MAGI1: variants seen among roughly 807,000 people sequenced by gnomAD.
The protein encoded by MAGI1 is membrane-associated guanylate kinase, WW and PDZ domain-containing protein 1.
MAGI1 carries 58 observed loss-of-function variants against 139.9 expected under a neutral mutation model. That is an observed-to-expected ratio of 0.41 (90% confidence interval 0.34 to 0.52). The LOEUF (loss-of-function observed/expected upper bound fraction) is 0.52. Ranked by LOEUF, MAGI1 falls within the 20% of genes least tolerant of loss-of-function variation. The pLI, the probability that MAGI1 is intolerant of heterozygous loss-of-function variation, is 0.12. For missense variants in MAGI1, 1,874 were observed against 1,901.6 expected (o/e 0.99, Z 0.27); for synonymous variants, 812 against 737.9 (o/e 1.10, Z -1.63).
intron 18 of MAGI1, chr3:65,371,866 A>C (rs1425476924): frequency 2.3e-6 from 1 of 435,822 alleles, no homozygotes; most frequent in East Asian, 7.5e-5. Context: ...CAATTAAGTC[A>C]CATCTTCCGG....
At chr3:66,024,951 T>C (rs972105297) in intron 1 of MAGI1, among the ~76,000 whole-genome samples, 1 of 152,182 alleles carries the variant, frequency 6.6e-6, no homozygotes. Context: ...AGAAGGGATA[T>C]TAGTTAATAT....
intron 1 of MAGI1, among the ~76,000 whole-genome samples, chr3:65,788,639 T>C (rs796658868): frequency 2.0e-5 from 3 of 152,310 alleles, no homozygotes; most frequent in African/African-American, 7.2e-5. Context: ...GGTAGCTCAC[T>C]CTAAATTACT....
intron 1 of MAGI1, among the ~76,000 whole-genome samples, chr3:65,775,374 A>G (rs1257273059): frequency 6.6e-6 from 1 of 151,574 alleles, no homozygotes; most frequent in Non-Finnish European, 1.5e-5. Flanking sequence ...ATTTGAGCCT[A>G]GGACTTGGAG....
rs901041247 is a variant in MAGI1 at position 65,410,219 on chromosome 3, G to A, written c.2168-8749C>T. 9.2e-5 allele frequency among the ~76,000 whole-genome samples: 14 copies of A among 152,318 alleles called. No homozygotes were observed. The South Asian group carries it at 1.9e-3, about 20-fold the overall frequency. The stretch of plus-strand genomic sequence containing the variant: ...GGATGATCCTATTGTTGCTACTCTT[G>A]AAAACATGTGAAGTATGCCTAAAGG... On this transcript the variant is annotated intron_variant, in intron 12 of 22. Coordinates refer to ENST00000402939, the MANE Select transcript of MAGI1 (RefSeq NM_001033057.2).
At chr3:65,861,803 AT>A (rs2059565720) in intron 1 of MAGI1, among the ~76,000 whole-genome samples, 1 of 152,184 alleles carries the variant, frequency 6.6e-6, no homozygotes, top group South Asian at 2.1e-4. Context: ...CCCGTCTAAA[AT>A]GTGGATCTAA....
chr3:65,800,064 T>C (rs1559894735), intron 1 of MAGI1, among the ~76,000 whole-genome samples: 1 of 152,208 alleles, frequency 6.6e-6, no homozygotes, highest in African/African-American at 2.4e-5. Context: ...CTGAATGGCG[T>C]TGGGCATGTT....
chr3:65,838,599 T>C (rs2058706868), intron 1 of MAGI1, among the ~76,000 whole-genome samples: 1 of 152,210 alleles, frequency 6.6e-6, no homozygotes, highest in Non-Finnish European at 1.5e-5. Context: ...CAGTATTCCA[T>C]GGCATGGATG....
At chr3:65,794,293 G>A (rs1366862305) in intron 1 of MAGI1, among the ~76,000 whole-genome samples, 5 of 152,176 alleles carry the variant, frequency 3.3e-5, no homozygotes, top group Non-Finnish European at 7.3e-5. Context: ...CTCAACAAAA[G>A]ACTGAGACCT....
At chr3:65,573,833 G>C (rs779856018) in intron 2 of MAGI1, among the ~76,000 whole-genome samples, 13 of 152,080 alleles carry the variant, frequency 8.5e-5, no homozygotes, top group Non-Finnish European at 1.6e-4. Context: ...AGCTGTGTCA[G>C]GGTTTGGCAA....
chr3:65,944,042 T>C (rs1043373526), intron 1 of MAGI1, among the ~76,000 whole-genome samples: 1 of 152,232 alleles, frequency 6.6e-6, no homozygotes, highest in Admixed American at 6.5e-5. Context: ...AAAAACATTC[T>C]TTCTGACTGA....
intron 1 of MAGI1, among the ~76,000 whole-genome samples, chr3:65,623,770 C>T (rs1315869656): frequency 2.6e-5 from 4 of 152,190 alleles, no homozygotes; most frequent in Non-Finnish European, 4.4e-5. Context: ...ATTCCAGCTA[C>T]AGCTGCTCAT....
intron 1 of MAGI1, among the ~76,000 whole-genome samples, chr3:65,765,742 A>G (rs1392202117): frequency 1.3e-5 from 2 of 152,182 alleles, no homozygotes; most frequent in Non-Finnish European, 2.9e-5. Context: ...TTCCTTCCCC[A>G]TGAAATCTAC....
At chr3:65,797,244 A>C (rs895600745) in intron 1 of MAGI1, among the ~76,000 whole-genome samples, 2 of 152,214 alleles carry the variant, frequency 1.3e-5, no homozygotes, top group African/African-American at 4.8e-5. Context: ...CAAAAGAAAG[A>C]GTGGAGGCAG....
At chr3:65,817,510 A>C (rs1200763731) in intron 1 of MAGI1, among the ~76,000 whole-genome samples, 1 of 152,244 alleles carries the variant, frequency 6.6e-6, no homozygotes. Flanking sequence ...AGCTTCAAAA[A>C]TTAAACTGCC....
At chr3:65,520,508 T>A (rs1243418928) in intron 2 of MAGI1, among the ~76,000 whole-genome samples, 1 of 152,158 alleles carries the variant, frequency 6.6e-6, no homozygotes, top group Non-Finnish European at 1.5e-5. Context: ...TTTCTTGAGA[T>A]ATTGTGAGGT....
chr3:65,746,463 A>G (rs756801212), intron 1 of MAGI1, among the ~76,000 whole-genome samples: 39 of 152,364 alleles, frequency 2.6e-4, no homozygotes, highest in Non-Finnish European at 4.7e-4. Flanking sequence ...TGGAGTCACT[A>G]TATCAAACAT....
chr3:65,408,871 T>C (rs1945557192), intron 12 of MAGI1, among the ~76,000 whole-genome samples: 1 of 152,158 alleles, frequency 6.6e-6, no homozygotes. Flanking sequence ...TGGCATGAAA[T>C]AAAGCAATGG....
At chr3:65,890,491 T>G (rs1359963822) in intron 1 of MAGI1, among the ~76,000 whole-genome samples, 2 of 152,210 alleles carry the variant, frequency 1.3e-5, no homozygotes, top group African/African-American at 4.8e-5. Context: ...TTAAGCTTTA[T>G]AAAATTCAAC....
At chr3:65,890,190 C>T (rs1415835473) in intron 1 of MAGI1, among the ~76,000 whole-genome samples, 2 of 152,044 alleles carry the variant, frequency 1.3e-5, no homozygotes. Context: ...CAGTGAAACC[C>T]CGTCTCTACT....
Sources: allele counts gnomAD v4.1 joint callset (sites outside exome capture counted in the v4.1 genomes callset), GRCh38; gene constraint gnomAD v4.1.1; transcripts MANE v1.5; gene names NCBI Gene and HGNC (gene_info 2026-07-23, HGNC 2026-07-21).